NAV3: variants seen among roughly 807,000 people sequenced by gnomAD.
The protein encoded by NAV3 is neuron navigator 3.
In NAV3, 87 loss-of-function variants were observed where a neutral mutation model predicts 244.7. The ratio of observed to expected loss-of-function variants is 0.36; its 90% CI spans 0.30 to 0.42. The LOEUF is 0.42. Ranked by LOEUF, NAV3 falls within the 20% of genes least tolerant of loss-of-function variation. The probability of loss-of-function intolerance (pLI) is 1.00; values close to 1 mark genes in which losing one functional copy is unlikely to be tolerated. For synonymous variants in NAV3, 1,126 were observed against 1,042.2 expected (o/e 1.08, Z -1.55); for missense variants, 2,663 against 2,893.3 (o/e 0.92, Z 1.83).
chr12:77,961,268 A>T (rs1483867624), intron 3 of NAV3, among the ~76,000 whole-genome samples: 1 of 117,522 alleles, frequency 8.5e-6, no homozygotes, highest in Admixed American at 9.2e-5. Flanking sequence ...GTCATATATT[A>T]CATATCTGTA....
chr12:77,876,217 C>T (rs1171087404), intron 1 of NAV3, among the ~76,000 whole-genome samples: 1 of 152,000 alleles, frequency 6.6e-6, no homozygotes, highest in East Asian at 1.9e-4. Context: ...AACATTCCCT[C>T]CATATTTGAT....
rs146496174 is a variant in NAV3 at position 77,627,142 on chromosome 12, A to C, written c.72+54876A>C. Among the ~76,000 whole-genome samples the C allele has an allele frequency of 1.3e-3, 205 of 152,276 alleles. 1 individual carries two copies. The highest frequency in any genetic ancestry group is 0.01 in the Middle Eastern group (3 of 294). On this transcript the variant is annotated intron_variant, in intron 2 of 8. Transcript: ENST00000550042. ...CAACAACTATATGCTGCCTATAAGAAATACACTTCCCCTGCAAAGATACAC... is the reference window on the plus strand; with the variant it reads ...CAACAACTATATGCTGCCTATAAGACATACACTTCCCCTGCAAAGATACAC...
At chr12:77,579,529 A>C (rs1395230976) in intron 2 of NAV3, among the ~76,000 whole-genome samples, 1 of 152,204 alleles carries the variant, frequency 6.6e-6, no homozygotes, top group Admixed American at 6.5e-5. Flanking sequence ...GGTGGCTGAA[A>C]TCACTCTTTT....
At chr12:77,816,540 G>C (rs1872534150) in intron 2 of NAV3, among the ~76,000 whole-genome samples, 1 of 152,176 alleles carries the variant, frequency 6.6e-6, no homozygotes, top group South Asian at 2.1e-4. Flanking sequence ...AAAGCCACCA[G>C]GTAGCTTCTG....
intron 2 of NAV3, among the ~76,000 whole-genome samples, chr12:77,731,985 A>G (rs1159338324): frequency 6.6e-6 from 1 of 151,956 alleles, no homozygotes; most frequent in Non-Finnish European, 1.5e-5. Context: ...GAATAGGTTT[A>G]TAGGCTACAG....
At chr12:77,778,389 G>A (rs1179287064) in intron 2 of NAV3, among the ~76,000 whole-genome samples, 1 of 151,538 alleles carries the variant, frequency 6.6e-6, no homozygotes, top group African/African-American at 2.4e-5. Context: ...AAGGCAGGTG[G>A]ATCACGAGGT....
rs567557725 is a variant in NAV3, at chr12:77,630,404, G to T, written c.72+58138G>T. Among the ~76,000 whole-genome samples, 9 of 152,260 alleles carry T rather than the reference G, an allele frequency of 5.9e-5. No individual in the cohort carries two copies. In the South Asian group the frequency reaches 1.7e-3, roughly 28 times the overall value. ...GCCAGGAGTTGCACCATCCTTCAAG[G>T]ATTTCAACTGAAAACTATTTCCTTT... On this transcript the variant is annotated intron_variant, in intron 2 of 8. Transcript: ENST00000550042.
chr12:77,935,593 A>C (rs1172792949), intron 1 of NAV3, among the ~76,000 whole-genome samples: 1 of 152,212 alleles, frequency 6.6e-6, no homozygotes, highest in Non-Finnish European at 1.5e-5. Context: ...AACATAGTGA[A>C]AGTCCATATT....
chr12:77,948,443 C>T (rs1890565573), intron 3 of NAV3, among the ~76,000 whole-genome samples: 1 of 151,710 alleles, frequency 6.6e-6, no homozygotes, highest in South Asian at 2.1e-4. Flanking sequence ...GTTGATATTT[C>T]TACTATATCT....
chr12:77,995,747 A>G (rs1036122457), intron 6 of NAV3, among the ~76,000 whole-genome samples: 1 of 152,162 alleles, frequency 6.6e-6, no homozygotes, highest in African/African-American at 2.4e-5. Context: ...ATAATTCTCG[A>G]AAGACAAATT....
intron 2 of NAV3, among the ~76,000 whole-genome samples, chr12:77,626,882 TA>T (rs1871652491): frequency 6.6e-6 from 1 of 152,062 alleles, no homozygotes; most frequent in Admixed American, 6.6e-5. Context: ...TAAAACTCAC[TA>T]GTAGAACTGA....
chr12:77,960,258 A>C (rs118008358), intron 3 of NAV3, among the ~76,000 whole-genome samples: 3,232 of 152,092 alleles, frequency 0.021, 60 homozygotes, highest in Non-Finnish European at 0.035. Flanking sequence ...ATTAGGGTTT[A>C]ATTATTTCTC....
chr12:77,729,623 C>T (rs1045265948), intron 2 of NAV3, among the ~76,000 whole-genome samples: 4 of 151,814 alleles, frequency 2.6e-5, no homozygotes, highest in East Asian at 1.9e-4. Flanking sequence ...AACGTTTTAC[C>T]TCTGGGCCCT....
intron 16 of NAV3, among the ~76,000 whole-genome samples, chr12:78,124,952 G>A (rs1006325192): frequency 1.3e-4 from 20 of 152,102 alleles, no homozygotes; most frequent in African/African-American, 4.1e-4. Flanking sequence ...ATATTAATTA[G>A]TGCCTTCCAG....
At chr12:77,574,093 G>C (rs1868963159) in intron 2 of NAV3, among the ~76,000 whole-genome samples, 2 of 152,080 alleles carry the variant, frequency 1.3e-5, no homozygotes, top group African/African-American at 4.8e-5. Context: ...TACTACCTTG[G>C]TGATGTGGCA....
intron 2 of NAV3, among the ~76,000 whole-genome samples, chr12:77,817,781 C>T (rs1211707298): frequency 6.6e-6 from 1 of 152,176 alleles, no homozygotes; most frequent in East Asian, 1.9e-4. Context: ...TAGATGCAAG[C>T]TGTTGGGGAA....
At chr12:77,805,828 C>T (rs907460851) in intron 2 of NAV3, among the ~76,000 whole-genome samples, 1 of 152,070 alleles carries the variant, frequency 6.6e-6, no homozygotes, top group East Asian at 1.9e-4. Flanking sequence ...TTATTAATTA[C>T]TGCCTCAATT....
At position 78,119,279 on chromosome 12, in the gene NAV3, C is replaced by T. The variant is rs776977919; in HGVS notation, c.3083C>T (p.Pro1028Leu). Residue 1028 changes from proline to leucine, a missense_variant, in exon 15 of 40, where the codon CCC (proline) becomes CTC (leucine). Physicochemically the swap from Pro to Leu is moderately conservative, Grantham distance 98. Coordinates refer to ENST00000397909, the MANE Select transcript of NAV3 (RefSeq NM_001024383.2). ...AAAGCTTCTGAGAAAGGAAAAGCTC[C>T]CCTAAAAGGATCATCTCTACAAAGA... ...DAKASEKGKAPLKGSSLQRSP... is the reference protein window; with the variant it reads ...DAKASEKGKALLKGSSLQRSP... The T allele has an allele frequency of 1.9e-6, 3 of 1,613,886 alleles. No individual in the cohort carries two copies. In the East Asian group the frequency reaches 6.7e-5, roughly 36 times the overall value.
intron 3 of NAV3, among the ~76,000 whole-genome samples, chr12:77,952,755 T>C (rs1335537949): frequency 6.6e-6 from 1 of 152,186 alleles, no homozygotes; most frequent in Admixed American, 6.6e-5. Context: ...TATTCTTCAA[T>C]ATTACACTTG....
Sources: gnomAD v4.1 joint callset for allele counts (sites outside exome capture counted in the v4.1 genomes callset) on GRCh38, gnomAD v4.1.1 for gene constraint, MANE v1.5 for transcripts, NCBI Gene and HGNC (gene_info 2026-07-23, HGNC 2026-07-21) for gene names.